Variants in PCDHAC1 observed in about 807,000 individuals in gnomAD.
The protein encoded by PCDHAC1 is protocadherin alpha subfamily C, 1.
In PCDHAC1, 42 loss-of-function variants were observed where a neutral mutation model predicts 60.0. The observed-to-expected ratio is 0.70, with a 90% confidence interval of 0.55 to 0.90. The LOEUF is 0.90. PCDHAC1 is among the 40% of genes least tolerant of loss of function. The pLI, the probability that PCDHAC1 is intolerant of heterozygous loss-of-function variation, is 0.00. For missense variants in PCDHAC1, 1,160 were observed against 1,222.3 expected, an observed-to-expected ratio of 0.95 and a Z score of 0.76; for synonymous variants, 468 against 499.3, an observed-to-expected ratio of 0.94 and a Z score of 0.84.
At chr5:140,985,945 T>C (rs1432402407) in intron 3 of PCDHAC1, among the ~76,000 whole-genome samples, 1 of 152,080 alleles carries the variant, frequency 6.6e-6, no homozygotes, top group Non-Finnish European at 1.5e-5. Flanking sequence ...TTCACTGTGT[T>C]AGCCAGGATG....
At chr5:140,965,030 C>A (rs2095870201) in intron 1 of PCDHAC1, among the ~76,000 whole-genome samples, 1 of 152,166 alleles carries the variant, frequency 6.6e-6, no homozygotes, top group East Asian at 1.9e-4. Flanking sequence ...GCTCCTTTAA[C>A]TGTCCGCTCT....
intron 1 of PCDHAC1, among the ~76,000 whole-genome samples, chr5:140,961,978 G>T (rs1336878095): frequency 6.6e-6 from 1 of 151,828 alleles, no homozygotes; most frequent in Non-Finnish European, 1.5e-5. Context: ...CCGCCTCCTG[G>T]GTTCACGCCA....
rs1301631971 is a variant in PCDHAC1, at chr5:141,011,367, C to G, written c.*1430C>G. ...CAATCTCCCATATGTATGCTGTATG[C>G]TATGCTAAGACTCCTGAAATATACT... On this transcript the variant is annotated 3_prime_UTR_variant, in exon 4 of 4. Transcript: ENST00000253807. The G allele has an allele frequency of 1.3e-5, 2 of 153,830 alleles. No homozygotes were observed. The highest frequency in any genetic ancestry group is 1.3e-4 in the Admixed American group (2 of 15,298). 9.5% of individuals were successfully genotyped at this position (153,830 alleles called of 1,614,324 possible). A position where few individuals can be genotyped will look rare whatever the true frequency, so the allele number is the denominator to read the frequency against.
intron 1 of PCDHAC1, among the ~76,000 whole-genome samples, chr5:140,930,626 A>G (rs1554207971): frequency 6.6e-6 from 1 of 152,220 alleles, no homozygotes; most frequent in Non-Finnish European, 1.5e-5. Flanking sequence ...GGAGGTGTGT[A>G]GAAATTAAGG....
At chr5:140,929,373 C>T (rs1563116244) in intron 1 of PCDHAC1, 48 bp downstream of exon 1, 1 of 1,514,818 alleles carries the variant, frequency 6.6e-7, no homozygotes, top group Non-Finnish European at 8.8e-7. Context: ...GAGATGGCTG[C>T]TAGCTGTGTT....
chr5:140,989,609 T>C (rs782186182), intron 3 of PCDHAC1, among the ~76,000 whole-genome samples: 4 of 152,178 alleles, frequency 2.6e-5, no homozygotes, highest in Non-Finnish European at 5.9e-5. Flanking sequence ...AAACTAAAAA[T>C]GAAAGTCTGT....
chr5:140,959,491 G>A (rs761208761), intron 1 of PCDHAC1, among the ~76,000 whole-genome samples: 6 of 151,956 alleles, frequency 3.9e-5, no homozygotes, highest in Non-Finnish European at 7.4e-5. Context: ...TGTTATATAT[G>A]GATCAAACTA....
intron 1 of PCDHAC1, among the ~76,000 whole-genome samples, chr5:140,975,653 A>T (rs2096676885): frequency 6.6e-6 from 1 of 152,230 alleles, no homozygotes; most frequent in South Asian, 2.1e-4. Context: ...TATTTCATTG[A>T]GTAGTTGTGT....
Position 140,927,802 on chromosome 5 carries a change from A to G in PCDHAC1, c.910A>G (p.Thr304Ala), listed in dbSNP as rs782489417. Residue 304 changes from threonine to alanine, a missense_variant, in exon 1 of 4, where the codon ACG becomes GCG. Around this residue, in one of 3 missense-constraint regions of PCDHAC1, gnomAD observed 1,113 missense variants for 1,163.7 expected, o/e 0.96. Coordinates refer to ENST00000253807, the MANE Select transcript of PCDHAC1 (RefSeq NM_018898.5). ...QVAASLGPPE[T>A]LLEAYIEARD... Reference sequence around the variant, plus strand: ...AGCTGCTTCACTAGGTCCGCCTGAAACGCTCTTGGAGGCATACATTGAGGC... The same window carrying G: ...AGCTGCTTCACTAGGTCCGCCTGAAGCGCTCTTGGAGGCATACATTGAGGC... 1 of 1,614,030 alleles carries G rather than the reference A, an allele frequency of 6.2e-7. No homozygotes were observed. The highest frequency in any genetic ancestry group is 1.3e-5 in the African/African-American group (1 of 74,892).
At chr5:140,969,576 G>A (rs982215577) in intron 1 of PCDHAC1, 3 of 984,900 alleles carry the variant, frequency 3.0e-6, no homozygotes, top group Admixed American at 2.9e-5. Flanking sequence ...TTTGAGAAGT[G>A]AGGATTAGTC....
At position 140,928,545 on chromosome 5, in the gene PCDHAC1, T is replaced by C; in HGVS notation, c.1653T>C (p.Asn551=). The C allele has an allele frequency of 6.2e-7, 1 of 1,614,220 alleles. No individual in the cohort carries two copies. Among genetic ancestry groups the C allele is most frequent in the Non-Finnish European group, 8.5e-7 (1 of 1,180,042 alleles). The change falls in exon 1 of 4, where the codon AAT becomes AAC. Residue 551 remains asparagine, a synonymous_variant. Coordinates refer to ENST00000253807, the MANE Select transcript of PCDHAC1 (RefSeq NM_018898.5). ...INLFVVDRND[N]YPVILFPLPR... ...TGTTTGTGGTAGATAGGAATGACAA[T>C]TATCCGGTTATCTTGTTTCCCTTGC...
At chr5:140,971,624 T>C (rs2153790714) in intron 1 of PCDHAC1, among the ~76,000 whole-genome samples, 1 of 152,254 alleles carries the variant, frequency 6.6e-6, no homozygotes, top group East Asian at 1.9e-4. Flanking sequence ...TGGGGTACAA[T>C]TAGTACCATG....
chr5:140,999,249 G>A (rs1162368060), intron 3 of PCDHAC1, among the ~76,000 whole-genome samples: 1 of 152,066 alleles, frequency 6.6e-6, no homozygotes, highest in Non-Finnish European at 1.5e-5. Context: ...AGTGGGAGTT[G>A]GATTAGTAAA....
In PCDHAC1 at chr5:140,982,522, G is replaced by A; in HGVS notation, c.2540G>A (p.Gly847Glu). Residue 847 changes from glycine to glutamate, a missense_variant, in exon 3 of 4, where the codon GGG (glycine) becomes GAG (glutamate). Coordinates refer to ENST00000253807, the MANE Select transcript of PCDHAC1 (RefSeq NM_018898.5). ...GGCATTCTACGGGCTGGTCCAGGAG[G>A]GCCTGATCAGCAGTGGCCAACAGTA... ...EAGILRAGPG[G>E]PDQQWPTVSS... 2.5e-6 allele frequency: 4 copies of A among 1,614,182 alleles called. No homozygotes were observed. Among genetic ancestry groups the A allele is most frequent in the Non-Finnish European group, 3.4e-6 (4 of 1,180,032 alleles).
At chr5:140,941,214 C>CCTTTCTTCCTTTCTTTCTTTCTTTCTTT (rs2092875794) in intron 1 of PCDHAC1, among the ~76,000 whole-genome samples, 1 of 122,414 alleles carries the variant, frequency 8.2e-6, no homozygotes, top group Non-Finnish European at 1.7e-5. Flanking sequence ...TTTCTTTCTT[C>CCTTTCTTCCTTTCTTTCTTTCTTTCTTT]CTTTCTTTCT....
At chr5:140,969,337 AC>A in intron 1 of PCDHAC1, 1 of 1,613,970 alleles carries the variant, frequency 6.2e-7, no homozygotes, top group East Asian at 2.2e-5. Flanking sequence ...ATGAGGTGAG[AC>A]AGTGGTCAGG....
chr5:140,951,543 C>CG (rs1201907714), intron 1 of PCDHAC1, among the ~76,000 whole-genome samples: 2 of 151,428 alleles, frequency 1.3e-5, no homozygotes. Flanking sequence ...GAGCAAGGGA[C>CG]GGGGGGAAGT....
At chr5:140,988,085 G>T (rs1490034264) in intron 3 of PCDHAC1, among the ~76,000 whole-genome samples, 1 of 152,176 alleles carries the variant, frequency 6.6e-6, no homozygotes, top group East Asian at 1.9e-4. Flanking sequence ...ATGAGTGAGT[G>T]CAGCCTCGGG....
At chr5:140,983,807 G>A (rs1158459034) in intron 3 of PCDHAC1, among the ~76,000 whole-genome samples, 1 of 152,100 alleles carries the variant, frequency 6.6e-6, no homozygotes, top group African/African-American at 2.4e-5. Context: ...TGTGTAAAAG[G>A]TTTTTTCCCA....
Sources: allele counts gnomAD v4.1 joint callset (sites outside exome capture counted in the v4.1 genomes callset), GRCh38; gene constraint gnomAD v4.1.1; regional missense constraint gnomAD v4.1.1; transcripts MANE v1.5; gene names NCBI Gene and HGNC (gene_info 2026-07-23, HGNC 2026-07-21).